Variants in FYB1 observed in about 807,000 individuals in gnomAD.
FYB1 encodes FYN-binding protein 1.
FYB1 carries 41 observed loss-of-function variants against 94.1 expected under a neutral mutation model. That is an observed-to-expected ratio of 0.44 (90% CI 0.34 to 0.57). FYB1 has a LOEUF of 0.57. FYB1 is among the 20% of genes least tolerant of loss of function. The pLI, the probability that FYB1 is intolerant of heterozygous loss-of-function variation, is 0.02. For synonymous variants in FYB1, 367 were observed against 353.2 expected, an observed-to-expected ratio of 1.04 and a Z score of -0.44; for missense variants, 1,050 against 976.8, an observed-to-expected ratio of 1.07 and a Z score of -1.00.
chr5:39,191,657 A>G (rs951544701), intron 2 of FYB1, among the ~76,000 whole-genome samples: 5 of 152,138 alleles, frequency 3.3e-5, no homozygotes, highest in African/African-American at 1.2e-4. Flanking sequence ...TCTATTTACT[A>G]GTGGTTAATA....
intron 7 of FYB1, among the ~76,000 whole-genome samples, chr5:39,135,254 G>T (rs1418555000): frequency 6.6e-6 from 1 of 152,170 alleles, no homozygotes; most frequent in Non-Finnish European, 1.5e-5. Context: ...AGGAGAGTGA[G>T]GCAGGGATCT....
At chr5:39,181,522 G>T (rs1746230452) in intron 2 of FYB1, among the ~76,000 whole-genome samples, 1 of 152,170 alleles carries the variant, frequency 6.6e-6, no homozygotes, top group Non-Finnish European at 1.5e-5. Context: ...GTAGGCTGGA[G>T]TGTTAACAAT....
intron 1 of FYB1, among the ~76,000 whole-genome samples, chr5:39,252,490 G>A (rs1235302409): frequency 6.6e-6 from 1 of 152,146 alleles, no homozygotes; most frequent in Non-Finnish European, 1.5e-5. Context: ...AATCTGTTAT[G>A]CAAGGAAGGA....
intron 1 of FYB1, among the ~76,000 whole-genome samples, chr5:39,237,085 CAAGT>C: frequency 6.6e-6 from 1 of 152,142 alleles, no homozygotes; most frequent in Non-Finnish European, 1.5e-5. Context: ...GCAAATTTAA[CAAGT>C]AAGTTGGGCC....
intron 2 of FYB1, among the ~76,000 whole-genome samples, chr5:39,165,850 A>C (rs760802292): frequency 6.6e-6 from 1 of 152,236 alleles, no homozygotes; most frequent in Non-Finnish European, 1.5e-5. Context: ...GAAGACACAC[A>C]TGTGGCCAAC....
intron 1 of FYB1, among the ~76,000 whole-genome samples, chr5:39,262,161 G>T (rs757156105): frequency 6.6e-6 from 1 of 152,104 alleles, no homozygotes; most frequent in Non-Finnish European, 1.5e-5. Context: ...ACAACATTAA[G>T]ATTTAAAACT....
intron 1 of FYB1, among the ~76,000 whole-genome samples, chr5:39,226,878 C>T (rs1750493966): frequency 6.6e-6 from 1 of 152,158 alleles, no homozygotes; most frequent in African/African-American, 2.4e-5. Flanking sequence ...GGTGCTTAGG[C>T]CCTCAATAAA....
chr5:39,194,396 T>C (rs911026038), intron 2 of FYB1, among the ~76,000 whole-genome samples: 13 of 152,026 alleles, frequency 8.6e-5, no homozygotes, highest in African/African-American at 2.9e-4. Context: ...CGTGGTAATA[T>C]GTGCCTGTAG....
intron 2 of FYB1, among the ~76,000 whole-genome samples, chr5:39,170,545 T>C (rs1421621228): frequency 6.6e-6 from 1 of 152,182 alleles, no homozygotes; most frequent in Non-Finnish European, 1.5e-5. Context: ...GATTCATCCA[T>C]TTCTTTCTCC....
intron 2 of FYB1, among the ~76,000 whole-genome samples, chr5:39,174,895 A>G (rs1436775769): frequency 6.6e-6 from 1 of 152,242 alleles, no homozygotes; most frequent in African/African-American, 2.4e-5. Context: ...GTCAACAACT[A>G]ATAGACTAAG....
At position 39,227,033 on chromosome 5, in the gene FYB1, A is replaced by T. The variant is rs546553598; in HGVS notation, c.-27-24046T>A. Among the ~76,000 whole-genome samples, 62 of 152,346 alleles carry T rather than the reference A, an allele frequency of 4.1e-4. 1 individual carries two copies. In the South Asian group the frequency reaches 5.0e-3, roughly 12 times the overall value. On this transcript the variant is annotated intron_variant, in intron 1 of 1. Transcript: ENST00000510188. ...GGCTATATCTGGGTGCAGAGAATAA[A>T]ACTCACAGCATAAATCTGGTCTTCA...
chr5:39,164,082 C>T (rs532112930), intron 2 of FYB1, among the ~76,000 whole-genome samples: 1 of 152,266 alleles, frequency 6.6e-6, no homozygotes. Flanking sequence ...AAGGAATAAA[C>T]CTTGATGTGC....
chr5:39,199,828 A>G (rs1311989142), intron 2 of FYB1, among the ~76,000 whole-genome samples: 1 of 152,224 alleles, frequency 6.6e-6, no homozygotes, highest in Non-Finnish European at 1.5e-5. Flanking sequence ...CTGCTTTTTC[A>G]GTCAGAATGT....
intron 2 of FYB1, chr5:39,169,582 C>A (rs367704912): frequency 2.1e-6 from 1 of 482,532 alleles, no homozygotes; most frequent in Non-Finnish European, 4.1e-6. Flanking sequence ...CAGTGGCTCA[C>A]GCCTGTAATC....
intron 1 of FYB1, among the ~76,000 whole-genome samples, chr5:39,269,381 TA>T (rs11337434): frequency 0.018 from 2,668 of 152,284 alleles, 94 homozygotes; most frequent in African/African-American, 0.061. Flanking sequence ...ATCCCGGACC[TA>T]AAGACCAAAC....
intron 5 of FYB1, chr5:39,138,992 T>C (rs1741907760): frequency 3.6e-6 from 2 of 550,436 alleles, no homozygotes; most frequent in African/African-American, 3.8e-5. Context: ...TATCTTGCTA[T>C]ATAAATCAGA....
chr5:39,225,884 G>A (rs1053266915), intron 1 of FYB1, among the ~76,000 whole-genome samples: 4 of 152,158 alleles, frequency 2.6e-5, no homozygotes, highest in Non-Finnish European at 4.4e-5. Flanking sequence ...ACCAGTGGTT[G>A]GTTCCACTTT....
At chr5:39,256,513 C>G (rs991966347) in intron 1 of FYB1, among the ~76,000 whole-genome samples, 1 of 152,118 alleles carries the variant, frequency 6.6e-6, no homozygotes, top group African/African-American at 2.4e-5. Flanking sequence ...CTCTCCTTGC[C>G]CTGCTTATCA....
intron 6 of FYB1, 67 bp from the exon 7 acceptor site, chr5:39,137,787 A>G: frequency 6.5e-7 from 1 of 1,539,338 alleles, no homozygotes; most frequent in Non-Finnish European, 8.8e-7. Flanking sequence ...CTCCCTACCT[A>G]GAAGTTTCTA....
Sources: allele counts gnomAD v4.1 joint callset (sites outside exome capture counted in the v4.1 genomes callset), GRCh38; gene constraint gnomAD v4.1.1; transcripts MANE v1.5; gene names NCBI Gene and HGNC (gene_info 2026-07-23, HGNC 2026-07-21).